The following TTC6 variants were observed in gnomAD, a reference collection of about 807,000 sequenced individuals.
TTC6 encodes the protein tetratricopeptide repeat protein 6.
In TTC6, 172 loss-of-function variants were observed where a neutral mutation model predicts 210.4. The ratio of observed to expected loss-of-function variants is 0.82; its 90% CI spans 0.72 to 0.93. The LOEUF (loss-of-function observed/expected upper bound fraction) is 0.93, where lower values mean the gene tolerates loss of function less well. Among genes scored for constraint, TTC6 ranks in the 40% least tolerant of loss-of-function variants. The pLI is 0.00. For synonymous variants in TTC6, 804 were observed against 819.6 expected, an observed-to-expected ratio of 0.98 and a Z score of 0.32; for missense variants, 2,414 against 2,318.1, an observed-to-expected ratio of 1.04 and a Z score of -0.85.
At chr14:37,678,390 CT>C in intron 1 of TTC6, among the ~76,000 whole-genome samples, 1 of 152,254 alleles carries the variant, frequency 6.6e-6, no homozygotes, top group East Asian at 1.9e-4. Flanking sequence ...TAATTGTTTT[CT>C]TCCCTGGCAG....
intron 26 of TTC6, among the ~76,000 whole-genome samples, chr14:37,821,095 T>C (rs2096155920): frequency 6.6e-6 from 1 of 150,908 alleles, no homozygotes; most frequent in South Asian, 2.1e-4. Flanking sequence ...TGAGATGGAG[T>C]CTTACTCTGT....
intron 14 of TTC6, among the ~76,000 whole-genome samples, chr14:37,771,638 T>G (rs1430393698): frequency 6.6e-6 from 1 of 152,194 alleles, no homozygotes; most frequent in Non-Finnish European, 1.5e-5. Context: ...TTCTCGAGCC[T>G]TGGTTTTCAG....
At chr14:37,757,878 C>T (rs142766049) in intron 14 of TTC6, among the ~76,000 whole-genome samples, 3,181 of 152,180 alleles carry the variant, frequency 0.021, 122 homozygotes, top group African/African-American at 0.072. Flanking sequence ...TGGTATGTTG[C>T]GTCTTTGTTC....
intron 13 of TTC6, among the ~76,000 whole-genome samples, chr14:37,751,465 A>T (rs1279181988): frequency 6.6e-6 from 1 of 152,164 alleles, no homozygotes; most frequent in Non-Finnish European, 1.5e-5. Context: ...AGGCATTGAG[A>T]TAACATGTAG....
chr14:37,723,464 T>G (rs2095865739), intron 6 of TTC6, among the ~76,000 whole-genome samples: 1 of 152,128 alleles, frequency 6.6e-6, no homozygotes. Context: ...TAAATATGAG[T>G]TCTTACTGAT....
intron 14 of TTC6, among the ~76,000 whole-genome samples, chr14:37,756,558 G>A (rs1056809832): frequency 6.6e-6 from 1 of 152,180 alleles, no homozygotes; most frequent in African/African-American, 2.4e-5. Context: ...TAGCATGAAA[G>A]GGTGTTGAAT....
intron 23 of TTC6, 68 bp downstream of exon 25, chr14:37,807,528 G>A (rs888015464): frequency 7.5e-7 from 1 of 1,326,024 alleles, no homozygotes; most frequent in Non-Finnish European, 9.9e-7. Context: ...CTAGGCAGGG[G>A]ACTCACTTAC....
chr14:37,694,762 C>T (rs912650041), intron 3 of TTC6, among the ~76,000 whole-genome samples: 5 of 152,072 alleles, frequency 3.3e-5, no homozygotes, highest in Non-Finnish European at 7.4e-5. Flanking sequence ...AAGAATGAGG[C>T]TGGGCACAGT....
chr14:37,807,407 C>G (rs1192994213), exon 23 of TTC6: 5 of 1,529,446 alleles, frequency 3.3e-6, no homozygotes, highest in Non-Finnish European at 4.4e-6. Flanking sequence ...TAAAATTTAC[C>G]CTGAAAGCGT....
Position 37,598,074 on chromosome 14 carries a change from G to GCCA in TTC6, c.-235+2066_-235+2067insCCA, listed in dbSNP as rs2095607946. ...ATACATAAAGTAATGCTGCTGTCTG[G>GCCA]GAGTTGCTGGCCAGTCGGTAGCCAG... On this transcript the variant is annotated intron_variant, in intron 1 of 2. Coordinates refer to the TTC6 transcript ENST00000556845. The surrounding 1 kb of genome is among the most constrained non-coding windows in gnomAD (Gnocchi z 4.9). Among the ~76,000 whole-genome samples, 1 of 152,172 alleles carries GCCA rather than the reference G, an allele frequency of 6.6e-6. No individual in the cohort carries two copies. Among genetic ancestry groups the GCCA allele is most frequent in the Admixed American group, 6.5e-5 (1 of 15,276 alleles).
intron 26 of TTC6, among the ~76,000 whole-genome samples, chr14:37,822,379 G>C (rs539762520): frequency 6.6e-6 from 1 of 152,304 alleles, no homozygotes; most frequent in East Asian, 1.9e-4. Context: ...AGATACTCTT[G>C]AGTAACCTCT....
intron 14 of TTC6, among the ~76,000 whole-genome samples, chr14:37,764,865 A>G (rs1231792093): frequency 1.3e-5 from 2 of 151,652 alleles, no homozygotes; most frequent in Non-Finnish European, 2.9e-5. Flanking sequence ...TTTGTGTATT[A>G]TATTGTATAC....
At chr14:37,778,353 C>A (rs1566948032) in intron 14 of TTC6, among the ~76,000 whole-genome samples, 1 of 137,110 alleles carries the variant, frequency 7.3e-6, no homozygotes, top group Non-Finnish European at 1.7e-5. Flanking sequence ...GGCTGGTGGT[C>A]TCTGTGTGTG....
At chr14:37,769,196 C>T (rs1234110574) in intron 14 of TTC6, among the ~76,000 whole-genome samples, 15 of 151,718 alleles carry the variant, frequency 9.9e-5, no homozygotes, top group Non-Finnish European at 1.8e-4. Flanking sequence ...CTGCTGGATT[C>T]GTTTTGCCAG....
intron 6 of TTC6, among the ~76,000 whole-genome samples, chr14:37,720,225 A>G (rs2095859156): frequency 1.3e-5 from 2 of 152,300 alleles, no homozygotes; most frequent in East Asian, 3.9e-4. Context: ...GATCATTGAT[A>G]TATTGTTTTT....
intron 7 of TTC6, among the ~76,000 whole-genome samples, chr14:37,726,380 A>G (rs1034974174): frequency 5.3e-5 from 8 of 152,146 alleles, no homozygotes; most frequent in Non-Finnish European, 8.8e-5. Context: ...CAAGGCATGG[A>G]TGGAGTCTTG....
intron 14 of TTC6, among the ~76,000 whole-genome samples, chr14:37,776,047 T>A (rs76875902): frequency 1.2e-3 from 21 of 17,884 alleles, no homozygotes; most frequent in South Asian, 2.9e-3. Context: ...TTGATTCTTT[T>A]TTTTTTTTTT....
chr14:37,838,066 G>A (rs2096202005), intron 29 of TTC6, among the ~76,000 whole-genome samples: 1 of 152,144 alleles, frequency 6.6e-6, no homozygotes, highest in South Asian at 2.1e-4. Flanking sequence ...GTTTGGTTGG[G>A]AAAAAGTTGA....
intron 7 of TTC6, among the ~76,000 whole-genome samples, chr14:37,727,342 G>T: frequency 7.6e-6 from 1 of 131,038 alleles, no homozygotes. Flanking sequence ...TCACCAGGCT[G>T]GAGTGCAGTG....
Sources: gnomAD v4.1 joint callset for allele counts (sites outside exome capture counted in the v4.1 genomes callset) on GRCh38, gnomAD v4.1.1 for gene constraint, Gnocchi (gnomAD v3.1) non-coding constraint, MANE v1.5 for transcripts, NCBI Gene and HGNC (gene_info 2026-07-23, HGNC 2026-07-21) for gene names.